The following ANXA13 variants were observed in gnomAD, a reference collection of about 807,000 sequenced individuals.
ANXA13 encodes the protein annexin XIII.
A neutral mutation model predicts 46.6 loss-of-function variants in ANXA13; 36 were observed. The ratio of observed to expected loss-of-function variants is 0.77; its 90% CI spans 0.59 to 1.02. The LOEUF (loss-of-function observed/expected upper bound fraction) is 1.02, where lower values mean the gene tolerates loss of function less well. Ranked by LOEUF, ANXA13 falls within the 50% of genes least tolerant of loss-of-function variation. The pLI is 0.00. For missense variants in ANXA13, 417 were observed against 396.5 expected (o/e 1.05, Z -0.44); for synonymous variants, 163 against 152.9 (o/e 1.07, Z -0.49).
intron 10 of ANXA13, among the ~76,000 whole-genome samples, chr8:123,681,585 C>T (rs537856299): frequency 4.0e-5 from 6 of 149,802 alleles, no homozygotes; most frequent in African/African-American, 1.5e-4. Context: ...GAGGTGTCCA[C>T]GTGTGTGTGT....
chr8:123,699,134 A>G (rs190296292), intron 3 of ANXA13, among the ~76,000 whole-genome samples: 3 of 152,332 alleles, frequency 2.0e-5, no homozygotes, highest in African/African-American at 7.2e-5. Flanking sequence ...CAGGTGAAGA[A>G]GAATGCAGGT....
At chr8:123,725,696 T>C (rs1449460485) in intron 1 of ANXA13, among the ~76,000 whole-genome samples, 1 of 152,178 alleles carries the variant, frequency 6.6e-6, no homozygotes, top group African/African-American at 2.4e-5. Flanking sequence ...CAGTATACCC[T>C]GTTGGGTATA....
chr8:123,731,182 C>G (rs1047977115), intron 1 of ANXA13, among the ~76,000 whole-genome samples: 1 of 152,158 alleles, frequency 6.6e-6, no homozygotes, highest in African/African-American at 2.4e-5. Context: ...AATTTGCATT[C>G]CTAACAAGAT....
chr8:123,709,612 A>G lies in ANXA13; in HGVS notation c.91+3066T>C, dbSNP rs138816797. On this transcript the variant is annotated intron_variant, in intron 2 of 10. Coordinates refer to ENST00000419625, the MANE Select transcript of ANXA13 (RefSeq NM_004306.4). Reference sequence around the variant, plus strand: ...CTCCCACATGCTTAGTGTCCCAATAATGGAACACTAGGCATAAATGGGTTT... The same window carrying G: ...CTCCCACATGCTTAGTGTCCCAATAGTGGAACACTAGGCATAAATGGGTTT... Among the ~76,000 whole-genome samples, 740 of 152,276 alleles carry G rather than the reference A, an allele frequency of 4.9e-3. 7 individuals are homozygous for G. The highest frequency in any genetic ancestry group is 0.017 in the African/African-American group (698 of 41,556).
chr8:123,734,577 C>T lies in ANXA13; in HGVS notation c.15+2743G>A, dbSNP rs536172040. 1.4e-4 allele frequency among the ~76,000 whole-genome samples: 22 copies of T among 151,870 alleles called. No individual in the cohort carries two copies. In the South Asian group the frequency reaches 2.9e-3, roughly 20 times the overall value. On this transcript the variant is annotated intron_variant, in intron 1 of 10. Transcript: ENST00000419625. Reference sequence around the variant, plus strand: ...TTGAGGATAGCACAAAAGTAATTTTCGTTTCAGGATTGGTTAGGATTTCAG... The same window carrying T: ...TTGAGGATAGCACAAAAGTAATTTTTGTTTCAGGATTGGTTAGGATTTCAG...
chr8:123,721,963 G>T (rs924712077), intron 1 of ANXA13, among the ~76,000 whole-genome samples: 12 of 152,040 alleles, frequency 7.9e-5, no homozygotes, highest in Admixed American at 2.0e-4. Flanking sequence ...TCATTAATGG[G>T]TTTTTGGGGT....
Position 123,686,470 on chromosome 8 carries a change from AAAAG to A in ANXA13, c.719-1752_719-1749del, listed in dbSNP as rs543852343. 2.3e-3 allele frequency among the ~76,000 whole-genome samples: 338 copies of A among 148,876 alleles called. 2 individuals are homozygous for A. Among genetic ancestry groups the A allele is most frequent in the African/African-American group, 6.8e-3 (276 of 40,474 alleles). ...GTGAAACTGTGTCTTAAAAAAAAAAAAAAGAAAGAAAGAAAGAAAGAAAAAAACC... is the reference window on the plus strand; with the variant it reads ...GTGAAACTGTGTCTTAAAAAAAAAAAAAAGAAAGAAAGAAAGAAAAAAACC... On this transcript the variant is annotated intron_variant, in intron 9 of 10. Transcript: ENST00000419625.
chr8:123,703,323 A>G (rs1467040062), intron 2 of ANXA13, among the ~76,000 whole-genome samples: 1 of 145,520 alleles, frequency 6.9e-6, no homozygotes, highest in Non-Finnish European at 1.5e-5. Flanking sequence ...AGAGGCTGGA[A>G]GTATACTAGT....
chr8:123,683,584 C>CTTTT (rs5894671), intron 10 of ANXA13, among the ~76,000 whole-genome samples: 1 of 100,822 alleles, frequency 9.9e-6, no homozygotes, highest in Non-Finnish European at 2.0e-5. Flanking sequence ...TAGCTGTGAC[C>CTTTT]TTTTTTTTTT....
chr8:123,709,505 C>T (rs1008216985), intron 2 of ANXA13, among the ~76,000 whole-genome samples: 15 of 151,980 alleles, frequency 9.9e-5, no homozygotes, highest in African/African-American at 2.7e-4. Flanking sequence ...GAATTCTTAA[C>T]GCATTGATGC....
chr8:123,693,395 T>C (rs1335678468), intron 7 of ANXA13, 97 bp from the exon 8 acceptor site: 2 of 1,084,994 alleles, frequency 1.8e-6, no homozygotes, highest in Non-Finnish European at 2.7e-6. Flanking sequence ...AATTATAAAC[T>C]ATGCATTGAA....
Position 123,681,238 on chromosome 8 carries a change from G to C in ANXA13, c.*2C>G. The C allele has an allele frequency of 4.4e-6, 7 of 1,607,706 alleles. No homozygotes were observed. The highest frequency in any genetic ancestry group is 5.9e-6 in the Non-Finnish European group (7 of 1,176,868). On this transcript the variant is annotated 3_prime_UTR_variant, in exon 11 of 11. Transcript: ENST00000419625. Reference sequence around the variant, plus strand: ...CCTGTGTTCCTATTGCCCTGGCTTGGCTCAGTGCAAGAGGGCTACTAGCAG... The same window carrying C: ...CCTGTGTTCCTATTGCCCTGGCTTGCCTCAGTGCAAGAGGGCTACTAGCAG...
chr8:123,706,307 A>G (rs1230317674), intron 2 of ANXA13, among the ~76,000 whole-genome samples: 2 of 152,216 alleles, frequency 1.3e-5, no homozygotes, highest in Non-Finnish European at 2.9e-5. Flanking sequence ...TCTTGTAAAT[A>G]TCTCTTGAGC....
chr8:123,682,391 T>A (rs1813055948), intron 10 of ANXA13, among the ~76,000 whole-genome samples: 1 of 152,348 alleles, frequency 6.6e-6, no homozygotes, highest in South Asian at 2.1e-4. Flanking sequence ...ACATAATGGA[T>A]CTCATAAAAG....
rs1814295401 is a variant in ANXA13 at position 123,737,361 on chromosome 8, G to C, written c.-27C>G. 6.2e-7 allele frequency: 1 copy of C among 1,606,844 alleles called. No individual in the cohort carries two copies. The highest frequency in any genetic ancestry group is 8.5e-7 in the Non-Finnish European group (1 of 1,174,578). ...TTCCTTTTTCTGAGATGGTTTTTCT[G>C]TATTTCATCAAGAGATCAGTCCTCC... On this transcript the variant is annotated 5_prime_UTR_variant, in exon 1 of 11. It introduces an in-frame stop codon into an upstream open reading frame of the 5' UTR. Transcript: ENST00000419625.
intron 3 of ANXA13, among the ~76,000 whole-genome samples, chr8:123,699,005 G>A (rs1199940953): frequency 6.6e-6 from 1 of 152,336 alleles, no homozygotes; most frequent in African/African-American, 2.4e-5. Context: ...ATGCCTTTCA[G>A]TGTGAAAGGG....
At chr8:123,711,074 T>C (rs1813649347) in intron 2 of ANXA13, among the ~76,000 whole-genome samples, 1 of 152,122 alleles carries the variant, frequency 6.6e-6, no homozygotes. Context: ...CCCTACTCAG[T>C]GGGGCCCTTA....
chr8:123,710,262 A>G (rs1813630454), intron 2 of ANXA13, among the ~76,000 whole-genome samples: 2 of 152,204 alleles, frequency 1.3e-5, no homozygotes, highest in Admixed American at 6.5e-5. Flanking sequence ...AAGTAAAAGA[A>G]GCCACATATC....
intron 1 of ANXA13, among the ~76,000 whole-genome samples, chr8:123,724,485 CTG>C (rs1316854153): frequency 2.0e-5 from 3 of 152,122 alleles, no homozygotes; most frequent in Non-Finnish European, 4.4e-5. Context: ...AACCGTTAGT[CTG>C]AGAAAAATTA....
Sources: gnomAD v4.1 joint callset for allele counts (sites outside exome capture counted in the v4.1 genomes callset) on GRCh38, gnomAD v4.1.1 for gene constraint, MANE v1.5 for transcripts, NCBI Gene and HGNC (gene_info 2026-07-23, HGNC 2026-07-21) for gene names.